CCDC43: variants seen among roughly 807,000 people sequenced by gnomAD.
CCDC43 encodes coiled-coil domain-containing protein 43.
CCDC43 carries 20 observed loss-of-function variants against 33.3 expected under a neutral mutation model. The ratio of observed to expected loss-of-function variants is 0.60; its 90% CI spans 0.42 to 0.87. The LOEUF (loss-of-function observed/expected upper bound fraction) is 0.87. CCDC43 is among the 40% of genes least tolerant of loss of function. The pLI, the probability that CCDC43 is intolerant of heterozygous loss-of-function variation, is 0.00. For missense variants in CCDC43, 248 were observed against 269.9 expected (o/e 0.92, Z 0.57); for synonymous variants, 104 against 106.5 (o/e 0.98, Z 0.14).
At position 44,680,591 on chromosome 17, in the gene CCDC43, C is replaced by T; in HGVS notation, c.481G>A (p.Asp161Asn). ...SGATTMNIGS[D>N]KLLFRNTNVE... The stretch of plus-strand genomic sequence containing the variant: ...GAGGGACCCAGAAGGATACGTTTGT[C>T]AGAACCAATGTTCATTGTGGTAGCA... The change falls in exon 4 of 5, where the codon GAC (aspartate) becomes AAC (asparagine). Residue 161 changes from aspartate (D) to asparagine (N), a missense_variant. Coordinates refer to ENST00000315286, the MANE Select transcript of CCDC43 (RefSeq NM_144609.3). The T allele has an allele frequency of 6.2e-7, 1 of 1,605,012 alleles. No individual in the cohort carries two copies. The highest frequency in any genetic ancestry group is 1.1e-5 in the South Asian group (1 of 90,562).
intron 3 of CCDC43, among the ~76,000 whole-genome samples, chr17:44,681,308 C>T (rs911364056): frequency 9.9e-5 from 15 of 152,036 alleles, no homozygotes; most frequent in African/African-American, 3.1e-4. Flanking sequence ...CGTGGTGGCA[C>T]GTGCCTATAG....
At position 44,678,705 on chromosome 17, in the gene CCDC43, T is replaced by G. The variant is rs1182878765; in HGVS notation, c.*151A>C. The G allele has an allele frequency of 7.9e-6, 6 of 755,178 alleles. No homozygotes were observed. Among genetic ancestry groups the G allele is most frequent in the Non-Finnish European group, 1.3e-5 (6 of 475,250 alleles). 46.8% of individuals were successfully genotyped at this position (755,178 alleles called of 1,614,324 possible). Reference sequence around the variant, plus strand: ...CCACCAAAACAGCACATTTTGTAATTAGAAGTGATTTTGATTTTCCTTTTG... The same window carrying G: ...CCACCAAAACAGCACATTTTGTAATGAGAAGTGATTTTGATTTTCCTTTTG... On this transcript the variant is annotated 3_prime_UTR_variant, in exon 5 of 5. Transcript: ENST00000315286.
At chr17:44,685,982 C>T (rs1461990902) in intron 1 of CCDC43, among the ~76,000 whole-genome samples, 2 of 151,984 alleles carry the variant, frequency 1.3e-5, no homozygotes, top group African/African-American at 2.4e-5. Flanking sequence ...GGCGCGATCT[C>T]GGCTCAATGC....
chr17:44,680,448 T>C, intron 4 of CCDC43, 137 bp downstream of exon 4: 1 of 647,276 alleles, frequency 1.5e-6, no homozygotes, highest in Non-Finnish European at 2.9e-6. Flanking sequence ...AGGGCTGTCC[T>C]AGGAATAGGG....
intron 1 of CCDC43, among the ~76,000 whole-genome samples, chr17:44,688,607 AG>A (rs1408319428): frequency 6.6e-6 from 1 of 152,252 alleles, no homozygotes; most frequent in Non-Finnish European, 1.5e-5. Context: ...TCAGGTATCC[AG>A]GATCTCCTCT....
At chr17:44,684,075 C>A (rs533725023) in intron 1 of CCDC43, 116 bp from the exon 2 acceptor site, 5 of 684,360 alleles carry the variant, frequency 7.3e-6, no homozygotes, top group African/African-American at 5.4e-5. Context: ...ATGGAAGGGT[C>A]TGGGAGCCAC....
Position 44,689,570 on chromosome 17 carries a change from C to G in CCDC43, c.184G>C (p.Gly62Arg). Residue 62 changes from glycine (G) to arginine (R), a missense_variant, in exon 1 of 5, where the codon GGG becomes CGG. Transcript: ENST00000315286. The stretch of plus-strand genomic sequence containing the variant: ...CTCACCAGGAAAGCAGAGAGGATCC[C>G]CTGCAGAGCGTCCAGCTTCTCTTCT... ...EEEEKLDALQ[G>R]ILSAFLEEDS... The G allele has an allele frequency of 6.2e-7, 1 of 1,613,972 alleles. No individual in the cohort carries two copies. The highest frequency in any genetic ancestry group is 1.7e-5 in the Admixed American group (1 of 60,010).
chr17:44,681,888 G>C, intron 3 of CCDC43, 115 bp downstream of exon 3: 2 of 1,269,520 alleles, frequency 1.6e-6, no homozygotes, highest in South Asian at 2.8e-5. Context: ...TGCCATTTTA[G>C]AGGGGAAAAT....
intron 1 of CCDC43, 97 bp from the exon 2 acceptor site, chr17:44,684,056 T>G: frequency 1.3e-6 from 1 of 758,596 alleles, no homozygotes; most frequent in Admixed American, 2.2e-5. Context: ...CTCTCCATGC[T>G]GTGAAATTAT....
At chr17:44,679,179 C>A (rs1972120930) in intron 4 of CCDC43, 136 bp from the exon 5 acceptor site, 2 of 531,842 alleles carry the variant, frequency 3.8e-6, no homozygotes, top group East Asian at 3.3e-5. Flanking sequence ...TTAAAAAAAA[C>A]CCTTATGTTT....
At position 44,682,142 on chromosome 17, in the gene CCDC43, G is replaced by C. The variant is rs1410555462; in HGVS notation, c.293-4C>G. The C allele has an allele frequency of 6.2e-7, 1 of 1,613,834 alleles. No homozygotes were observed. The highest frequency in any genetic ancestry group is 1.3e-5 in the African/African-American group (1 of 74,904). The stretch of plus-strand genomic sequence containing the variant: ...GTGGCAATGGCCTGTACTTCATCTG[G>C]GAGGTGGTGGAAGGAAGAACAAGGT... On this transcript the variant is annotated splice_polypyrimidine_tract_variant and splice_region_variant and intron_variant, in intron 2 of 4. Transcript: ENST00000315286.
Position 44,677,962 on chromosome 17 carries a change from T to C in CCDC43, c.*894A>G, listed in dbSNP as rs547906800. The C allele has an allele frequency of 6.5e-6, 1 of 152,736 alleles. No homozygotes were observed. Among genetic ancestry groups the C allele is most frequent in the East Asian group, 1.9e-4 (1 of 5,184 alleles). 9.5% of individuals were successfully genotyped at this position (152,736 alleles called of 1,614,324 possible). On this transcript the variant is annotated 3_prime_UTR_variant, in exon 5 of 5. Coordinates refer to ENST00000315286, the MANE Select transcript of CCDC43 (RefSeq NM_144609.3). ...ACTTTTGACTCTCCCAGTTTTTCCATTCACTCATTCATTCAATAAATTTGT... is the reference window on the plus strand; with the variant it reads ...ACTTTTGACTCTCCCAGTTTTTCCACTCACTCATTCATTCAATAAATTTGT...
At chr17:44,685,665 AC>A (rs2144694966) in intron 1 of CCDC43, among the ~76,000 whole-genome samples, 1 of 152,252 alleles carries the variant, frequency 6.6e-6, no homozygotes, top group South Asian at 2.1e-4. Flanking sequence ...TGCATTCCCC[AC>A]CTTCACGTTC....
chr17:44,680,248 A>G (rs978683972), intron 4 of CCDC43, among the ~76,000 whole-genome samples: 5 of 152,096 alleles, frequency 3.3e-5, no homozygotes, highest in African/African-American at 9.7e-5. Flanking sequence ...TCGGCTTCCC[A>G]AAGTGCCAGG....
chr17:44,683,598 A>C (rs903581467), intron 2 of CCDC43, among the ~76,000 whole-genome samples: 35 of 152,198 alleles, frequency 2.3e-4, no homozygotes, highest in Non-Finnish European at 1.5e-5. Context: ...CTGCAATGCA[A>C]ATCTACAAGA....
chr17:44,680,279 C>T (rs989783481), intron 4 of CCDC43, among the ~76,000 whole-genome samples: 6 of 152,164 alleles, frequency 3.9e-5, no homozygotes, highest in Non-Finnish European at 7.4e-5. Flanking sequence ...TAAGCCATCA[C>T]GCCTGACCTC....
At position 44,682,148 on chromosome 17, in the gene CCDC43, G is replaced by A. The variant is rs1297177386; in HGVS notation, c.293-10C>T. The A allele has an allele frequency of 2.5e-6, 4 of 1,613,744 alleles. No homozygotes were observed. Among genetic ancestry groups the A allele is most frequent in the South Asian group, 2.2e-5 (2 of 91,084 alleles). On this transcript the variant is annotated splice_polypyrimidine_tract_variant and intron_variant, in intron 2 of 4. Coordinates refer to ENST00000315286, the MANE Select transcript of CCDC43 (RefSeq NM_144609.3). Reference sequence around the variant, plus strand: ...ATGGCCTGTACTTCATCTGGGAGGTGGTGGAAGGAAGAACAAGGTTGTATG... The same window carrying A: ...ATGGCCTGTACTTCATCTGGGAGGTAGTGGAAGGAAGAACAAGGTTGTATG...
At chr17:44,679,902 GAA>G (rs995931056) in intron 4 of CCDC43, among the ~76,000 whole-genome samples, 1 of 144,860 alleles carries the variant, frequency 6.9e-6, no homozygotes, top group African/African-American at 2.5e-5. Flanking sequence ...CCAAAAAAAA[GAA>G]AAAAAAAAGT....
Position 44,678,884 on chromosome 17 carries a change from C to CT in CCDC43, c.646dup (p.Arg216LysfsTer61), listed in dbSNP as rs751135235. On this transcript the variant is annotated frameshift_variant, in exon 5 of 5. Transcript: ENST00000315286. LOFTEE classifies it high-confidence loss of function. ...TCGCTTTCGCTCCCCTCTCTGTGTC[C>CT]TTTTTTTTTCCTTTTCCTTGCGCTC... is the stretch of plus-strand genomic sequence containing the variant. 61 of 1,599,998 alleles carry CT rather than the reference C, an allele frequency of 3.8e-5. No individual in the cohort carries two copies. The highest frequency in any genetic ancestry group is 1.7e-4 in the Middle Eastern group (1 of 6,042).
Sources: gnomAD v4.1 joint callset for allele counts (sites outside exome capture counted in the v4.1 genomes callset) on GRCh38, gnomAD v4.1.1 for gene constraint, MANE v1.5 for transcripts, NCBI Gene and HGNC (gene_info 2026-07-23, HGNC 2026-07-21) for gene names.